Variants in ATF6 observed in about 807,000 individuals in gnomAD.
ATF6 encodes the protein activating transcription factor 6.
Under a neutral mutation model 83.6 loss-of-function variants are expected in ATF6, and 53 were observed. The observed-to-expected ratio is 0.63, with a 90% confidence interval of 0.51 to 0.80. The LOEUF (loss-of-function observed/expected upper bound fraction) is 0.80. Among genes scored for constraint, ATF6 ranks in the 30% least tolerant of loss-of-function variants. The probability of loss-of-function intolerance (pLI) is 0.00; values close to 1 mark genes in which losing one functional copy is unlikely to be tolerated. For synonymous variants in ATF6, 288 were observed against 285.8 expected (o/e 1.01, Z -0.08); for missense variants, 744 against 797.9 (o/e 0.93, Z 0.81).
chr1:161,798,812 A>G (rs902410860), intron 6 of ATF6, among the ~76,000 whole-genome samples: 4 of 152,256 alleles, frequency 2.6e-5, no homozygotes, highest in Admixed American at 6.5e-5. Flanking sequence ...CTTTCAAAAG[A>G]AGACATAGAC....
chr1:161,949,167 C>T (rs1224364469), intron 15 of ATF6, among the ~76,000 whole-genome samples: 1 of 152,206 alleles, frequency 6.6e-6, no homozygotes, highest in African/African-American at 2.4e-5. Flanking sequence ...ATCACTGTCA[C>T]CCACACCCTC....
chr1:161,902,294 A>C lies in ATF6; in HGVS notation c.1720-10002A>C, dbSNP rs368820324. Among the ~76,000 whole-genome samples the C allele has an allele frequency of 2.5e-3, 386 of 152,314 alleles. 1 individual carries two copies. Among genetic ancestry groups the C allele is most frequent in the African/African-American group, 8.7e-3 (363 of 41,568 alleles). On this transcript the variant is annotated intron_variant, in intron 14 of 15. Transcript: ENST00000367942. ...AGCCATTATGCTTCAGTAGGCAGCAAAACAGTTTTTTATGTTCTTGCCCTT... is the reference window on the plus strand; with the variant it reads ...AGCCATTATGCTTCAGTAGGCAGCACAACAGTTTTTTATGTTCTTGCCCTT...
At chr1:161,897,241 C>T (rs556241079) in intron 14 of ATF6, among the ~76,000 whole-genome samples, 1 of 151,932 alleles carries the variant, frequency 6.6e-6, no homozygotes, top group East Asian at 1.9e-4. Flanking sequence ...TGAGACCAGC[C>T]TGGGCAACAC....
intron 2 of ATF6, among the ~76,000 whole-genome samples, chr1:161,778,772 C>G (rs1335582234): frequency 6.6e-6 from 1 of 152,058 alleles, no homozygotes; most frequent in African/African-American, 2.4e-5. Flanking sequence ...GTAGGTGTAT[C>G]CTTACCTTTG....
chr1:161,817,581 C>T (rs1685643499), intron 7 of ATF6, among the ~76,000 whole-genome samples: 6 of 152,008 alleles, frequency 3.9e-5, no homozygotes, highest in Admixed American at 3.9e-4. Flanking sequence ...GATAGTTATT[C>T]TTCAGGGAAA....
intron 10 of ATF6, among the ~76,000 whole-genome samples, 183 bp downstream of exon 10, chr1:161,846,763 A>G (rs555002278): frequency 6.6e-6 from 1 of 152,192 alleles, no homozygotes; most frequent in Admixed American, 6.5e-5. Flanking sequence ...TTACTTTGAA[A>G]CCTTTTGTAG....
intron 14 of ATF6, among the ~76,000 whole-genome samples, chr1:161,903,565 C>T (rs1450811638): frequency 6.6e-6 from 1 of 152,076 alleles, no homozygotes; most frequent in Non-Finnish European, 1.5e-5. Context: ...GTTGCGTTTC[C>T]TCAGGGACTT....
At chr1:161,771,957 C>T (rs1311379228) in intron 1 of ATF6, among the ~76,000 whole-genome samples, 2 of 152,190 alleles carry the variant, frequency 1.3e-5, no homozygotes, top group African/African-American at 4.8e-5. Flanking sequence ...CAGTCTCAGC[C>T]ATTTGCTTTC....
intron 15 of ATF6, among the ~76,000 whole-genome samples, chr1:161,922,916 T>G (rs1215337156): frequency 1.3e-5 from 2 of 152,092 alleles, no homozygotes; most frequent in Non-Finnish European, 2.9e-5. Flanking sequence ...CTGAGGAGTT[T>G]GAGGTGGGAA....
chr1:161,940,387 T>C lies in ATF6; in HGVS notation c.1805-18059T>C, dbSNP rs113769748. Among the ~76,000 whole-genome samples the C allele has an allele frequency of 2.8e-3, 431 of 152,164 alleles. 4 individuals are homozygous for C. The highest frequency in any genetic ancestry group is 9.7e-3 in the African/African-American group (403 of 41,516). ...ACCCTGTGTGAACCAACTCTTTCTATCTCTCTGGCCTCATTTTCCCATTTT... is the reference window on the plus strand; with the variant it reads ...ACCCTGTGTGAACCAACTCTTTCTACCTCTCTGGCCTCATTTTCCCATTTT... On this transcript the variant is annotated intron_variant, in intron 15 of 15. Coordinates refer to ENST00000367942, the MANE Select transcript of ATF6 (RefSeq NM_007348.4).
intron 9 of ATF6, among the ~76,000 whole-genome samples, 185 bp from the exon 10 acceptor site, chr1:161,846,263 GT>G (rs1477905590): frequency 6.6e-6 from 1 of 152,132 alleles, no homozygotes; most frequent in Non-Finnish European, 1.5e-5. Flanking sequence ...TTTTTGATAT[GT>G]GCAGGTTACC....
chr1:161,873,851 C>T (rs1687161938), intron 14 of ATF6, among the ~76,000 whole-genome samples: 1 of 151,556 alleles, frequency 6.6e-6, no homozygotes, highest in Admixed American at 6.6e-5. Context: ...CATGGTATAT[C>T]AGGCATGTAG....
chr1:161,958,710 G>A lies in ATF6; in HGVS notation c.*56G>A, dbSNP rs1472983383. On this transcript the variant is annotated 3_prime_UTR_variant, in exon 16 of 16. Coordinates refer to ENST00000367942, the MANE Select transcript of ATF6 (RefSeq NM_007348.4). ...TGGGACCCTGCCAGACTGAAGAGCA[G>A]GTGAGCAAAATGCTGCTTTCTGCCT... 1 of 1,455,424 alleles carries A rather than the reference G, an allele frequency of 6.9e-7. No homozygotes were observed. The highest frequency in any genetic ancestry group is 9.3e-7 in the Non-Finnish European group (1 of 1,080,618). 90.2% of individuals were successfully genotyped at this position (1,455,424 alleles called of 1,614,324 possible).
chr1:161,847,399 T>C (rs943574926), intron 10 of ATF6, among the ~76,000 whole-genome samples: 5 of 152,138 alleles, frequency 3.3e-5, no homozygotes, highest in South Asian at 2.1e-4. Flanking sequence ...TGTTGAAAGA[T>C]GATCACCACA....
At chr1:161,843,143 A>G (rs772330797) in intron 9 of ATF6, among the ~76,000 whole-genome samples, 2 of 152,192 alleles carry the variant, frequency 1.3e-5, no homozygotes, top group Non-Finnish European at 2.9e-5. Context: ...ACACTCATTC[A>G]GACTGGAGCC....
At chr1:161,943,164 A>G (rs1290312921) in intron 15 of ATF6, among the ~76,000 whole-genome samples, 2 of 152,134 alleles carry the variant, frequency 1.3e-5, no homozygotes, top group East Asian at 3.9e-4. Context: ...CCAAAACCTC[A>G]TCTTGAATTA....
intron 7 of ATF6, among the ~76,000 whole-genome samples, chr1:161,810,697 GCTGT>G (rs1685434051): frequency 1.3e-5 from 2 of 151,860 alleles, no homozygotes; most frequent in Admixed American, 1.3e-4. Context: ...TACCATCACT[GCTGT>G]CTAATTCCAG....
chr1:161,942,560 A>C (rs550380047), intron 15 of ATF6, among the ~76,000 whole-genome samples: 3 of 152,334 alleles, frequency 2.0e-5, no homozygotes, highest in South Asian at 4.2e-4. Flanking sequence ...TGCCACACAC[A>C]CTGACTCCAC....
intron 14 of ATF6, among the ~76,000 whole-genome samples, chr1:161,881,331 T>G (rs935497464): frequency 6.6e-6 from 1 of 152,070 alleles, no homozygotes; most frequent in Non-Finnish European, 1.5e-5. Flanking sequence ...TAAGTTCACA[T>G]GATTGTTGGT....
Sources: allele counts gnomAD v4.1 joint callset (sites outside exome capture counted in the v4.1 genomes callset), GRCh38; gene constraint gnomAD v4.1.1; transcripts MANE v1.5; gene names NCBI Gene and HGNC (gene_info 2026-07-23, HGNC 2026-07-21).